Variants in TENM2 observed in about 807,000 individuals in gnomAD.
TENM2 encodes the protein teneurin-2.
A neutral mutation model predicts 245.2 loss-of-function variants in TENM2; 52 were observed. The ratio of observed to expected loss-of-function variants is 0.21; its 90% CI spans 0.17 to 0.27. TENM2 has a LOEUF of 0.27. TENM2 is among the 10% of genes least tolerant of loss of function. TENM2 has a pLI of 1.00. For synonymous variants in TENM2, 1,363 were observed against 1,438.9 expected, an observed-to-expected ratio of 0.95 and a Z score of 1.19; for missense variants, 3,046 against 3,666.8, an observed-to-expected ratio of 0.83 and a Z score of 4.37.
chr5:167,753,962 C>T (rs1343112173), intron 2 of TENM2, among the ~76,000 whole-genome samples: 1 of 152,154 alleles, frequency 6.6e-6, no homozygotes, highest in Non-Finnish European at 1.5e-5. Context: ...GCATAGTCAT[C>T]CTGTTTCCTT....
intron 5 of TENM2, among the ~76,000 whole-genome samples, chr5:168,001,911 T>A (rs567802322): frequency 3.6e-4 from 55 of 152,374 alleles, no homozygotes; most frequent in African/African-American, 1.3e-3. Flanking sequence ...TTGCATGTTC[T>A]GCTAATTTCA....
rs372246861 is a variant in TENM2, at chr5:168,262,507, G to A, written c.8022G>A (p.Thr2674=). The stretch of plus-strand genomic sequence containing the variant: ...CGAACATTGAGTTCCAGTACTCCAC[G>A]CTGCTGCTCAGCATCCGCTATGGCC... Residue 2674 remains threonine, a synonymous_variant, in exon 29 of 29, where the codon ACG becomes ACA. Transcript: ENST00000518659. 1.6e-4 allele frequency: 251 copies of A among 1,556,766 alleles called. No individual in the cohort carries two copies. Among genetic ancestry groups the A allele is most frequent in the Middle Eastern group, 5.0e-4 (3 of 5,982 alleles).
chr5:167,665,987 A>G (rs374334059), intron 2 of TENM2, among the ~76,000 whole-genome samples: 7 of 152,214 alleles, frequency 4.6e-5, no homozygotes, highest in African/African-American at 9.6e-5. Flanking sequence ...CTCTGATTCC[A>G]CTACTTGAAA....
At chr5:168,202,787 G>A (rs1381571161) in intron 17 of TENM2, among the ~76,000 whole-genome samples, 2 of 152,112 alleles carry the variant, frequency 1.3e-5, no homozygotes, top group Non-Finnish European at 2.9e-5. Flanking sequence ...AAGCTGCAGA[G>A]AATCCCCAAA....
intron 3 of TENM2, among the ~76,000 whole-genome samples, chr5:167,947,879 C>G (rs1779762045): frequency 6.6e-6 from 1 of 151,926 alleles, no homozygotes; most frequent in African/African-American, 2.4e-5. Context: ...TTTTTTCTTT[C>G]ATATATTTTA....
chr5:168,026,271 A>G (rs1175859872), intron 5 of TENM2, among the ~76,000 whole-genome samples: 2 of 152,082 alleles, frequency 1.3e-5, no homozygotes, highest in Non-Finnish European at 2.9e-5. Flanking sequence ...TGTCCACCTA[A>G]ACATTTATTC....
rs936654462 is a variant in TENM2, at chr5:167,905,588, T to C, written c.712+29393T>C. ...TTTTTAAATTTAGCACTCAAGGCAC[T>C]AATATAAGAATATACCAGTGTGTGG... On this transcript the variant is annotated intron_variant, in intron 3 of 28. Transcript: ENST00000518659. 3.9e-5 allele frequency among the ~76,000 whole-genome samples: 6 copies of C among 152,322 alleles called. No individual in the cohort carries two copies. In the East Asian group the frequency reaches 1.2e-3, roughly 29 times the overall value.
chr5:167,923,154 T>C (rs1053400885), intron 3 of TENM2, among the ~76,000 whole-genome samples: 1 of 152,012 alleles, frequency 6.6e-6, no homozygotes, highest in African/African-American at 2.4e-5. Flanking sequence ...CAAAACCCCA[T>C]CTCTACTAAA....
At chr5:167,137,896 C>T in the TENM2 span, among the ~76,000 whole-genome samples, 28 of 152,196 alleles carry the variant, frequency 1.8e-4, no homozygotes, top group African/African-American at 6.3e-4. Flanking sequence ...CAAAATTTGA[C>T]ACCATTGCTT....
At chr5:167,053,422 T>C in the TENM2 span, among the ~76,000 whole-genome samples, 1 of 152,142 alleles carries the variant, frequency 6.6e-6, no homozygotes, top group Non-Finnish European at 1.5e-5. Context: ...AGATTCACTG[T>C]TGGAGCAGAT....
chr5:166,987,381 A>G, the TENM2 span, among the ~76,000 whole-genome samples: 1 of 151,668 alleles, frequency 6.6e-6, no homozygotes, highest in Non-Finnish European at 1.5e-5. Context: ...CTGTGTGCAT[A>G]TGCATAAAAT....
At chr5:166,979,696 A>G in the TENM2 span, among the ~76,000 whole-genome samples, 4 of 149,800 alleles carry the variant, frequency 2.7e-5, no homozygotes, top group East Asian at 7.8e-4. Flanking sequence ...TTTTCTATGT[A>G]TTTTTTTTTC....
At chr5:167,377,504 T>G (rs545387455) in intron 2 of TENM2, among the ~76,000 whole-genome samples, 1 of 152,324 alleles carries the variant, frequency 6.6e-6, no homozygotes, top group East Asian at 1.9e-4. Flanking sequence ...GTCTTTGTTT[T>G]TCTTTTTAAA....
At chr5:167,926,614 G>C (rs563584986) in intron 3 of TENM2, among the ~76,000 whole-genome samples, 1 of 152,098 alleles carries the variant, frequency 6.6e-6, no homozygotes, top group Admixed American at 6.5e-5. Flanking sequence ...CTAGCTACTT[G>C]GGACGCTGAG....
chr5:167,687,800 A>G (rs1757173918), intron 2 of TENM2, among the ~76,000 whole-genome samples: 1 of 152,176 alleles, frequency 6.6e-6, no homozygotes, highest in Admixed American at 6.5e-5. Context: ...TAAATGGTAC[A>G]TTTTTGTATG....
intron 27 of TENM2, among the ~76,000 whole-genome samples, chr5:168,250,053 T>G (rs1357189423): frequency 6.6e-6 from 1 of 152,006 alleles, no homozygotes; most frequent in Non-Finnish European, 1.5e-5. Flanking sequence ...GCTGGATGGT[T>G]GGGTGGATGG....
At chr5:167,011,478 G>A in the TENM2 span, among the ~76,000 whole-genome samples, 1 of 152,212 alleles carries the variant, frequency 6.6e-6, no homozygotes, top group South Asian at 2.1e-4. Flanking sequence ...CAAACTTTGA[G>A]TTTGCAAAAG....
At chr5:167,049,545 C>A in the TENM2 span, among the ~76,000 whole-genome samples, 2 of 152,132 alleles carry the variant, frequency 1.3e-5, no homozygotes, top group African/African-American at 2.4e-5. Flanking sequence ...TTTTAACAAG[C>A]TGTTAAGTAA....
At chr5:167,818,641 G>T (rs1212829397) in intron 2 of TENM2, among the ~76,000 whole-genome samples, 1 of 152,170 alleles carries the variant, frequency 6.6e-6, no homozygotes, top group Non-Finnish European at 1.5e-5. Context: ...ACTCAGGGCA[G>T]TGAGGGTGTC....
Sources: gnomAD v4.1 joint callset for allele counts (sites outside exome capture counted in the v4.1 genomes callset) on GRCh38, gnomAD v4.1.1 for gene constraint, MANE v1.5 for transcripts, NCBI Gene and HGNC (gene_info 2026-07-23, HGNC 2026-07-21) for gene names.